SEMA5A: variants seen among roughly 807,000 people sequenced by gnomAD.
SEMA5A encodes semaphorin 5A, also known as semaphorin-5A.
Under a neutral mutation model 135.5 loss-of-function variants are expected in SEMA5A, and 55 were observed. The observed-to-expected ratio is 0.41, with a 90% CI of 0.33 to 0.51. SEMA5A has a LOEUF of 0.51. Among genes scored for constraint, SEMA5A ranks in the 20% least tolerant of loss-of-function variants. The probability of loss-of-function intolerance (pLI) is 0.37; values close to 1 mark genes in which losing one functional copy is unlikely to be tolerated. For synonymous variants in SEMA5A, 580 were observed against 546.5 expected (o/e 1.06, Z -0.85); for missense variants, 1,290 against 1,419.9 (o/e 0.91, Z 1.47).
intron 2 of SEMA5A, among the ~76,000 whole-genome samples, chr5:9,434,262 T>G (rs1245170529): frequency 5.3e-5 from 8 of 152,166 alleles, no homozygotes; most frequent in Admixed American, 4.6e-4. Flanking sequence ...ATGCAGAATT[T>G]TATGTCTAGT....
At chr5:9,123,217 C>T (rs1333276085) in intron 13 of SEMA5A, among the ~76,000 whole-genome samples, 1 of 130,120 alleles carries the variant, frequency 7.7e-6, no homozygotes, top group Non-Finnish European at 1.6e-5. Flanking sequence ...CGAGATCGCA[C>T]CACTGCACTC....
rs766313061 is a variant in SEMA5A, at chr5:9,107,071, A to AT, written c.2073+1068dup. On this transcript the variant is annotated intron_variant, in intron 16 of 22. Coordinates refer to ENST00000382496, the MANE Select transcript of SEMA5A (RefSeq NM_003966.3). Reference sequence around the variant, plus strand: ...GCAGGCTTTACAGCAGCACAAAAGCATTGCTCAGCCTCACAAACCAAAGGA... The same window carrying AT: ...GCAGGCTTTACAGCAGCACAAAAGCATTTGCTCAGCCTCACAAACCAAAGGA... 5.9e-5 allele frequency among the ~76,000 whole-genome samples: 9 copies of AT among 152,224 alleles called. No individual in the cohort carries two copies. The South Asian group carries it at 6.2e-4, about 11-fold the overall frequency.
At chr5:9,246,189 A>G (rs950678556) in intron 5 of SEMA5A, among the ~76,000 whole-genome samples, 6 of 151,658 alleles carry the variant, frequency 4.0e-5, no homozygotes, top group African/African-American at 1.5e-4. Context: ...TGGTTTAAAA[A>G]ATGGTGCATC....
At chr5:9,136,293 C>G (rs942057961) in intron 13 of SEMA5A, among the ~76,000 whole-genome samples, 55 of 152,212 alleles carry the variant, frequency 3.6e-4, no homozygotes, top group African/African-American at 1.3e-3. Flanking sequence ...GAAGACATTT[C>G]TCTTCAAACA....
chr5:9,457,259 A>T (rs756421953), intron 1 of SEMA5A, among the ~76,000 whole-genome samples: 6 of 152,240 alleles, frequency 3.9e-5, no homozygotes, highest in Non-Finnish European at 5.9e-5. Flanking sequence ...ACTTCTCAAA[A>T]GCTCCTCAGA....
intron 3 of SEMA5A, among the ~76,000 whole-genome samples, chr5:9,364,576 A>T (rs1754835254): frequency 6.6e-6 from 1 of 152,220 alleles, no homozygotes; most frequent in Admixed American, 6.5e-5. Flanking sequence ...TCAATATCAA[A>T]TATTATTTAA....
intron 5 of SEMA5A, chr5:9,280,866 A>G (rs897838914): frequency 2.5e-6 from 1 of 404,884 alleles, no homozygotes; most frequent in South Asian, 1.9e-5. Flanking sequence ...ATAACAATAA[A>G]TAATTGTATG....
chr5:9,456,304 T>C (rs1035454550), intron 1 of SEMA5A, among the ~76,000 whole-genome samples: 1 of 152,216 alleles, frequency 6.6e-6, no homozygotes, highest in Non-Finnish European at 1.5e-5. Context: ...TTTATCCTCT[T>C]CTGCAACTGG....
intron 6 of SEMA5A, among the ~76,000 whole-genome samples, chr5:9,236,435 G>C (rs1003858276): frequency 6.6e-6 from 1 of 152,158 alleles, no homozygotes; most frequent in African/African-American, 2.4e-5. Context: ...GCCGAGGGCC[G>C]AGCCACACAA....
intron 1 of SEMA5A, among the ~76,000 whole-genome samples, chr5:9,440,243 C>G (rs1249756603): frequency 1.3e-5 from 2 of 152,126 alleles, no homozygotes; most frequent in African/African-American, 4.8e-5. Flanking sequence ...TTAGCCAATG[C>G]ATTAATCATA....
Position 9,365,374 on chromosome 5 carries a change from A to T in SEMA5A, c.124+14449T>A, listed in dbSNP as rs113606910. Among the ~76,000 whole-genome samples the T allele has an allele frequency of 8.9e-3, 1,362 of 152,274 alleles. 21 individuals carry two copies. Among genetic ancestry groups the T allele is most frequent in the African/African-American group, 0.03 (1,263 of 41,540 alleles). ...TGCAAAAATCCAGGAGGAGCAAACC[A>T]TCAACATTTTGAATAAAGACCCTGG... On this transcript the variant is annotated intron_variant, in intron 3 of 22. Transcript: ENST00000382496.
intron 13 of SEMA5A, among the ~76,000 whole-genome samples, chr5:9,130,530 G>A (rs1260151960): frequency 2.0e-5 from 3 of 152,104 alleles, no homozygotes; most frequent in African/African-American, 7.2e-5. Flanking sequence ...GGGTGAACTG[G>A]GGCAATAGTT....
At chr5:9,136,306 C>CA (rs1007554578) in intron 13 of SEMA5A, among the ~76,000 whole-genome samples, 198 bp downstream of exon 13, 4 of 152,236 alleles carry the variant, frequency 2.6e-5, no homozygotes, top group African/African-American at 4.8e-5. Flanking sequence ...TTCAAACAGA[C>CA]AAAAAAACCT....
At chr5:9,152,828 T>G (rs1742703471) in intron 12 of SEMA5A, among the ~76,000 whole-genome samples, 1 of 152,084 alleles carries the variant, frequency 6.6e-6, no homozygotes, top group African/African-American at 2.4e-5. Flanking sequence ...TCCCAGCACT[T>G]TGGGAGACAG....
At chr5:9,193,632 G>A (rs1745230124) in intron 10 of SEMA5A, among the ~76,000 whole-genome samples, 1 of 152,198 alleles carries the variant, frequency 6.6e-6, no homozygotes, top group African/African-American at 2.4e-5. Flanking sequence ...GGGGGCGGTG[G>A]CTCACATCTG....
chr5:9,043,265 C>T (rs1050863169), intron 22 of SEMA5A: 8 of 352,142 alleles, frequency 2.3e-5, no homozygotes, highest in Admixed American at 8.8e-5. Flanking sequence ...GAAGTTACCA[C>T]GAGAAGCAGG....
intron 3 of SEMA5A, among the ~76,000 whole-genome samples, chr5:9,347,654 C>T (rs74479270): frequency 0.037 from 5,553 of 152,034 alleles, 166 homozygotes; most frequent in South Asian, 0.13. Context: ...GGAAAAAATG[C>T]GTGCACTGTT....
At chr5:9,338,453 C>T (rs1316038366) in intron 3 of SEMA5A, among the ~76,000 whole-genome samples, 1 of 152,070 alleles carries the variant, frequency 6.6e-6, no homozygotes, top group East Asian at 1.9e-4. Context: ...GCACGGTTAA[C>T]TCCTATTAGA....
rs545586570 is a variant in SEMA5A, at chr5:9,515,442, A to T, written c.-175+30142T>A. ...TAGGGCAGCTTAATTTGACGTTAAGAAATTTTCATTGAGAACCTTGAAATA... is the reference window on the plus strand; with the variant it reads ...TAGGGCAGCTTAATTTGACGTTAAGTAATTTTCATTGAGAACCTTGAAATA... On this transcript the variant is annotated intron_variant, in intron 1 of 22. Transcript: ENST00000382496. 5.9e-5 allele frequency among the ~76,000 whole-genome samples: 9 copies of T among 152,346 alleles called. 1 individual carries two copies. The South Asian group carries it at 1.0e-3, about 18-fold the overall frequency.
Sources: allele counts gnomAD v4.1 joint callset (sites outside exome capture counted in the v4.1 genomes callset), GRCh38; gene constraint gnomAD v4.1.1; transcripts MANE v1.5; gene names NCBI Gene and HGNC (gene_info 2026-07-23, HGNC 2026-07-21).